Variants in SATB2 observed in about 807,000 individuals in gnomAD.
The protein encoded by SATB2 is DNA-binding protein SATB2.
A neutral mutation model predicts 73.4 loss-of-function variants in SATB2; 1 was observed. That is an observed-to-expected ratio of 0.01 (90% CI 0.00 to 0.06). SATB2 has a LOEUF of 0.06. SATB2 is among the 10% of genes least tolerant of loss of function. The pLI, the probability that SATB2 is intolerant of heterozygous loss-of-function variation, is 1.00. For missense variants in SATB2, 459 were observed against 945.8 expected (o/e 0.49, Z 6.75); for synonymous variants, 397 against 367.0 (o/e 1.08, Z -0.93).
At chr2:199,396,683 C>A (rs1477733542) in intron 3 of SATB2, 1 of 152,072 alleles carries the variant, frequency 6.6e-6, no homozygotes, top group Non-Finnish European at 1.5e-5. Context: ...ACCTGACCCA[C>A]GGTTATTAGT....
At chr2:199,380,616 A>G (rs1169346450) in intron 4 of SATB2, 129 bp from the exon 5 acceptor site, 2 of 1,173,116 alleles carry the variant, frequency 1.7e-6, no homozygotes, top group Non-Finnish European at 2.5e-6. Flanking sequence ...AATGGGGTCT[A>G]AGTGAAGGAA....
intron 10 of SATB2, among the ~76,000 whole-genome samples, chr2:199,280,155 TCTTA>T: frequency 6.6e-6 from 1 of 152,208 alleles, no homozygotes; most frequent in Non-Finnish European, 1.5e-5. Flanking sequence ...TTTTATAATT[TCTTA>T]CGCCGATCTT....
intron 10 of SATB2, among the ~76,000 whole-genome samples, chr2:199,279,883 A>T (rs952689985): frequency 2.1e-4 from 32 of 152,244 alleles, no homozygotes; most frequent in African/African-American, 7.7e-4. Flanking sequence ...GATGATGCCT[A>T]TAATCCCAAC....
chr2:199,285,870 T>C (rs1692670169), intron 10 of SATB2, among the ~76,000 whole-genome samples: 1 of 122,056 alleles, frequency 8.2e-6, no homozygotes, highest in South Asian at 3.0e-4. Context: ...TCATCCAGCC[T>C]TAGTCTGTTT....
chr2:199,433,079 A>T (rs182011931), intron 3 of SATB2, among the ~76,000 whole-genome samples: 4 of 152,338 alleles, frequency 2.6e-5, no homozygotes, highest in East Asian at 1.9e-4. Flanking sequence ...CTTAGAGAAA[A>T]TAACAGTGTT....
At chr2:199,357,907 G>C (rs1265518968) in intron 6 of SATB2, among the ~76,000 whole-genome samples, 4 of 151,936 alleles carry the variant, frequency 2.6e-5, no homozygotes, top group Admixed American at 1.3e-4. Context: ...TAACCAACAA[G>C]AAATGAAACT....
chr2:199,420,897 GAT>G (rs2105913545), intron 3 of SATB2, among the ~76,000 whole-genome samples: 1 of 152,016 alleles, frequency 6.6e-6, no homozygotes, highest in South Asian at 2.1e-4. Flanking sequence ...CACATAAATT[GAT>G]ATTTTTGGTT....
In SATB2 at chr2:199,323,742, G is replaced by T; in HGVS notation, c.1542+61C>A. ...TATAGGAACAGATGTATTTTTATTG[G>T]TGGAGGAAGGAGAAGGATCTAATTC... On this transcript the variant is annotated intron_variant, in intron 9 of 10. Coordinates refer to ENST00000417098, the MANE Select transcript of SATB2 (RefSeq NM_001172509.2). The T allele has an allele frequency of 2.0e-6, 3 of 1,475,784 alleles. No individual in the cohort carries two copies. In the East Asian group the frequency reaches 6.8e-5, roughly 33 times the overall value. The allele number at this position is 1,475,784 out of a possible 1,614,324, so 91.4% of individuals were successfully genotyped here.
At chr2:199,404,063 G>A (rs1207956164) in intron 3 of SATB2, among the ~76,000 whole-genome samples, 3 of 152,216 alleles carry the variant, frequency 2.0e-5, no homozygotes, top group Non-Finnish European at 2.9e-5. Flanking sequence ...GAAGGGCAAA[G>A]CAAGAGGAAA....
rs1396486245 is a variant in SATB2 at position 199,290,411 on chromosome 2, TTGAA to T, written c.1741-17743_1741-17740del. Among the ~76,000 whole-genome samples, 3 of 152,198 alleles carry T rather than the reference TTGAA, an allele frequency of 2.0e-5. No individual in the cohort carries two copies. The East Asian group carries it at 5.8e-4, about 29-fold the overall frequency. Reference sequence around the variant, plus strand: ...TAGCACAATGTCAAGGCACTGTGCTTTGAATGAATATATACGTCTACACAGGCAA... The same window carrying T: ...TAGCACAATGTCAAGGCACTGTGCTTTGAATATATACGTCTACACAGGCAA... On this transcript the variant is annotated intron_variant, in intron 10 of 10. Coordinates refer to ENST00000417098, the MANE Select transcript of SATB2 (RefSeq NM_001172509.2).
upstream of SATB2, among the ~76,000 whole-genome samples, chr2:199,466,633 G>A (rs1692598336): frequency 6.6e-6 from 1 of 152,190 alleles, no homozygotes; most frequent in Admixed American, 6.5e-5. Flanking sequence ...ACAACCTGTG[G>A]TCTCTCCGGC....
chr2:199,449,291 G>A (rs573337063), intron 2 of SATB2, among the ~76,000 whole-genome samples: 1 of 152,226 alleles, frequency 6.6e-6, no homozygotes, highest in South Asian at 2.1e-4. Context: ...GAGCAGCAAA[G>A]ATACAGAAGT....
chr2:199,385,192 T>C (rs1689893620), intron 3 of SATB2, among the ~76,000 whole-genome samples: 1 of 152,190 alleles, frequency 6.6e-6, no homozygotes, highest in African/African-American at 2.4e-5. Flanking sequence ...TGAAGTGTAC[T>C]GGTGAGATCT....
At chr2:199,470,932 G>C (rs1361912921) in intron 1 of SATB2, 1 of 152,432 alleles carries the variant, frequency 6.6e-6, no homozygotes, top group African/African-American at 2.4e-5. Flanking sequence ...AAAGGACTTT[G>C]CTGCGGACGC....
At chr2:199,460,080 T>A (rs528090140), upstream of SATB2, among the ~76,000 whole-genome samples, 2 of 152,126 alleles carry the variant, frequency 1.3e-5, no homozygotes, top group South Asian at 4.2e-4. This position sits in a 1 kb window ranked among gnomAD's most constrained non-coding sequence, Gnocchi z 4.0. Context: ...ATAGCAATTC[T>A]TAGGGGAGCC....
intron 9 of SATB2, among the ~76,000 whole-genome samples, chr2:199,317,783 A>T (rs1687775209): frequency 6.6e-6 from 1 of 152,006 alleles, no homozygotes; most frequent in African/African-American, 2.4e-5. Flanking sequence ...TTGAGATTAT[A>T]CCAAGAGAAA....
At chr2:199,425,735 T>C (rs1691306999) in intron 3 of SATB2, among the ~76,000 whole-genome samples, 2 of 152,124 alleles carry the variant, frequency 1.3e-5, no homozygotes, top group Non-Finnish European at 2.9e-5. Context: ...CATAAACAAA[T>C]ATAAGGAATA....
At chr2:199,290,487 T>A (rs1025765386) in intron 10 of SATB2, among the ~76,000 whole-genome samples, 1 of 152,106 alleles carries the variant, frequency 6.6e-6, no homozygotes, top group Non-Finnish European at 1.5e-5. Context: ...TTAGAACACA[T>A]CTAATAGTCC....
At chr2:199,343,971 T>C (rs2105816362) in intron 7 of SATB2, among the ~76,000 whole-genome samples, 1 of 152,300 alleles carries the variant, frequency 6.6e-6, no homozygotes, top group South Asian at 2.1e-4. Context: ...AAGGATTATA[T>C]GGGAGAAGAC....
Sources: allele counts gnomAD v4.1 joint callset (sites outside exome capture counted in the v4.1 genomes callset), GRCh38; gene constraint gnomAD v4.1.1; non-coding constraint Gnocchi (gnomAD v3.1); transcripts MANE v1.5; gene names NCBI Gene and HGNC (gene_info 2026-07-23, HGNC 2026-07-21).